The following RNF121 variants were observed in gnomAD, a reference collection of about 807,000 sequenced individuals.
RNF121 encodes ring finger protein 121.
RNF121 carries 21 observed loss-of-function variants against 46.5 expected under a neutral mutation model. The ratio of observed to expected loss-of-function variants is 0.45; its 90% CI spans 0.32 to 0.65. The LOEUF (loss-of-function observed/expected upper bound fraction) is 0.65, where lower values mean the gene tolerates loss of function less well. Among genes scored for constraint, RNF121 ranks in the 30% least tolerant of loss-of-function variants. The pLI, the probability that RNF121 is intolerant of heterozygous loss-of-function variation, is 0.04. For synonymous variants in RNF121, 139 were observed against 144.7 expected (o/e 0.96, Z 0.28); for missense variants, 346 against 416.0 (o/e 0.83, Z 1.46).
In RNF121 at chr11:71,986,010, A is replaced by G. The variant is rs556756629; in HGVS notation, c.399-994A>G. Reference sequence around the variant, plus strand: ...TGAGTCTAGTAGCTGGGATCCACCAATTAGGTTGTACACTGTCTTCATTGG... The same window carrying G: ...TGAGTCTAGTAGCTGGGATCCACCAGTTAGGTTGTACACTGTCTTCATTGG... On this transcript the variant is annotated intron_variant, in intron 4 of 8. Transcript: ENST00000361756. 5.9e-5 allele frequency among the ~76,000 whole-genome samples: 9 copies of G among 152,200 alleles called. No individual in the cohort carries two copies. The South Asian group carries it at 8.3e-4, about 14-fold the overall frequency.
chr11:71,990,576 G>C lies in RNF121; in HGVS notation c.507-21G>C, dbSNP rs528646477. 3.0e-5 allele frequency: 49 copies of C among 1,613,082 alleles called. 1 individual carries two copies. The South Asian group carries it at 5.4e-4, about 18-fold the overall frequency. On this transcript the variant is annotated intron_variant, in intron 5 of 8. Coordinates refer to ENST00000361756, the MANE Select transcript of RNF121 (RefSeq NM_018320.5). Reference sequence around the variant, plus strand: ...ATATGTCTCAGGGTGGGTCTTTCTAGCTCTAATGCTTCCCTTGCAGGATCA... The same window carrying C: ...ATATGTCTCAGGGTGGGTCTTTCTACCTCTAATGCTTCCCTTGCAGGATCA...
At chr11:71,988,620 A>G (rs1299785436) in intron 5 of RNF121, among the ~76,000 whole-genome samples, 1 of 148,696 alleles carries the variant, frequency 6.7e-6, no homozygotes, top group Non-Finnish European at 1.5e-5. Flanking sequence ...GCTGGGCAAC[A>G]TAGTGAGACT....
intron 3 of RNF121, among the ~76,000 whole-genome samples, chr11:71,964,322 T>C (rs957355493): frequency 6.6e-6 from 1 of 152,228 alleles, no homozygotes; most frequent in Non-Finnish European, 1.5e-5. Context: ...ATTGCTAATA[T>C]ATAGAATTTC....
intron 1 of RNF121, among the ~76,000 whole-genome samples, chr11:71,929,439 G>C (rs1366411112): frequency 2.0e-5 from 3 of 152,100 alleles, no homozygotes; most frequent in Admixed American, 6.5e-5. Flanking sequence ...AGGGCTAAGA[G>C]GTAGTTTGAG....
chr11:71,994,884 C>T, intron 7 of RNF121, 32 bp downstream of exon 7: 1 of 1,613,766 alleles, frequency 6.2e-7, no homozygotes, highest in South Asian at 1.1e-5. Flanking sequence ...GGCCACATCT[C>T]TCCTGCAATC....
chr11:71,982,335 CA>C lies in RNF121; in HGVS notation c.244-407del, dbSNP rs10635678. Among the ~76,000 whole-genome samples the C allele has an allele frequency of 6.1e-4, 48 of 79,110 alleles. No individual in the cohort carries two copies. In the South Asian group the frequency reaches 6.5e-3, roughly 11 times the overall value. 51.9% of individuals were successfully genotyped at this position (79,110 alleles called of 152,430 possible). ...TGGGCAACAGAGCAAGACTCCATCT[CA>C]AAAAAAAAAAAAAAAAAAGGAATGT... On this transcript the variant is annotated intron_variant, in intron 3 of 8. Coordinates refer to ENST00000361756, the MANE Select transcript of RNF121 (RefSeq NM_018320.5).
chr11:71,953,875 A>C (rs897898670), intron 1 of RNF121, among the ~76,000 whole-genome samples: 1 of 152,220 alleles, frequency 6.6e-6, no homozygotes, highest in African/African-American at 2.4e-5. Flanking sequence ...TGAACCTAAA[A>C]AAAATGTAGC....
At position 71,957,407 on chromosome 11, in the gene RNF121, T is replaced by C. The variant is rs1954014103; in HGVS notation, c.101+143T>C. 5 of 713,062 alleles carry C rather than the reference T, an allele frequency of 7.0e-6. No homozygotes were observed. The South Asian group carries it at 7.5e-5, about 11-fold the overall frequency. The allele number at this position is 713,062 out of a possible 1,614,324, so 44.2% of individuals were successfully genotyped here. A position where few individuals can be genotyped will look rare whatever the true frequency, so the allele number is the denominator to read the frequency against. On this transcript the variant is annotated intron_variant, in intron 2 of 8. Coordinates refer to ENST00000361756, the MANE Select transcript of RNF121 (RefSeq NM_018320.5). ...TAGGACTGGTCTTTTGGGATCTCTCTAAGTATCTGGGTTGCTCTCTTAGTC... is the reference window on the plus strand; with the variant it reads ...TAGGACTGGTCTTTTGGGATCTCTCCAAGTATCTGGGTTGCTCTCTTAGTC...
chr11:71,970,364 C>T (rs1180458325), intron 3 of RNF121, among the ~76,000 whole-genome samples: 2 of 152,052 alleles, frequency 1.3e-5, no homozygotes, highest in Admixed American at 6.6e-5. Flanking sequence ...GGTTTTGAAA[C>T]CACAAAAGTA....
At chr11:71,942,591 C>T (rs147904874) in intron 1 of RNF121, among the ~76,000 whole-genome samples, 31 of 151,784 alleles carry the variant, frequency 2.0e-4, no homozygotes, top group African/African-American at 6.8e-4. Flanking sequence ...GGTGAAACCC[C>T]GTTTCTACTA....
At chr11:71,985,185 C>T (rs1954749097) in intron 4 of RNF121, among the ~76,000 whole-genome samples, 1 of 152,156 alleles carries the variant, frequency 6.6e-6, no homozygotes, top group Non-Finnish European at 1.5e-5. Flanking sequence ...CTTCAGCCTC[C>T]CAAAGTGTTG....
At chr11:71,957,051 C>T (rs1347888870) in intron 1 of RNF121, among the ~76,000 whole-genome samples, 176 bp from the exon 2 acceptor site, 1 of 152,166 alleles carries the variant, frequency 6.6e-6, no homozygotes, top group East Asian at 1.9e-4. Context: ...TCAAACTAAG[C>T]TGTTAAAGAA....
intron 1 of RNF121, among the ~76,000 whole-genome samples, chr11:71,951,760 G>GA (rs1284047757): frequency 6.6e-6 from 1 of 152,080 alleles, no homozygotes; most frequent in East Asian, 1.9e-4. Context: ...CAGGGAAATG[G>GA]AAAATCAAAA....
chr11:71,932,980 TGG>T (rs1953310208), intron 1 of RNF121, among the ~76,000 whole-genome samples: 1 of 152,218 alleles, frequency 6.6e-6, no homozygotes, highest in Admixed American at 6.5e-5. Context: ...GGTATTAAAC[TGG>T]CCATGATGAC....
intron 1 of RNF121, among the ~76,000 whole-genome samples, chr11:71,933,932 C>G: frequency 6.6e-6 from 1 of 152,214 alleles, no homozygotes. Context: ...TTTACGACAT[C>G]CCCGTGAGAA....
Position 71,982,898 on chromosome 11 carries a change from A to G in RNF121, c.381A>G (p.Leu127=). ...FVTFRATRKP[L]VQTTPRLVYK... ...CCTTCCGAGCCACCCGAAAACCTCT[A>G]GTACAGACAACCCCAAGGTGAGAGT... Residue 127 remains leucine, a synonymous_variant, in exon 4 of 9, where the codon CTA becomes CTG. Transcript: ENST00000361756. 1 of 1,611,174 alleles carries G rather than the reference A, an allele frequency of 6.2e-7. No homozygotes were observed. The highest frequency in any genetic ancestry group is 8.5e-7 in the Non-Finnish European group (1 of 1,178,760).
intron 3 of RNF121, among the ~76,000 whole-genome samples, chr11:71,963,183 C>A (rs1185924270): frequency 6.6e-6 from 1 of 152,052 alleles, no homozygotes; most frequent in East Asian, 1.9e-4. Flanking sequence ...TTGATAGTGT[C>A]CTTTGATGCA....
intron 3 of RNF121, among the ~76,000 whole-genome samples, chr11:71,964,119 C>G (rs977803014): frequency 6.6e-6 from 1 of 152,162 alleles, no homozygotes; most frequent in African/African-American, 2.4e-5. Context: ...TCCATCTTAA[C>G]AATATTAATC....
intron 2 of RNF121, among the ~76,000 whole-genome samples, chr11:71,957,629 G>T (rs1242416597): frequency 6.6e-6 from 1 of 152,158 alleles, no homozygotes; most frequent in Non-Finnish European, 1.5e-5. Flanking sequence ...GAAAATCTTA[G>T]AAGAGTGCCT....
Sources: allele counts gnomAD v4.1 joint callset (sites outside exome capture counted in the v4.1 genomes callset), GRCh38; gene constraint gnomAD v4.1.1; transcripts MANE v1.5; gene names NCBI Gene and HGNC (gene_info 2026-07-23, HGNC 2026-07-21).